The following CNTNAP3 variants were observed in gnomAD, a reference collection of about 807,000 sequenced individuals.
CNTNAP3 encodes contactin associated protein family member 3, also known as contactin-associated protein-like 3.
CNTNAP3 carries 36 observed loss-of-function variants against 92.1 expected under a neutral mutation model. The observed-to-expected ratio is 0.39, with a 90% CI of 0.30 to 0.52. CNTNAP3 has a LOEUF of 0.52. Among genes scored for constraint, CNTNAP3 ranks in the 20% least tolerant of loss-of-function variants. The pLI, the probability that CNTNAP3 is intolerant of heterozygous loss-of-function variation, is 0.76. For missense variants in CNTNAP3, 534 were observed against 1,069.6 expected (o/e 0.50, Z 6.98); for synonymous variants, 232 against 422.3 (o/e 0.55, Z 5.53).
At position 39,068,732 on chromosome 9, in the gene CNTNAP3, G is replaced by C. The variant is rs1192426502; in HGVS notation, c.*5158C>G. Among the ~76,000 whole-genome samples the C allele has an allele frequency of 6.6e-6, 1 of 152,312 alleles. No homozygotes were observed. Among genetic ancestry groups the C allele is most frequent in the East Asian group, 1.9e-4 (1 of 5,208 alleles). On this transcript the variant is annotated 3_prime_UTR_variant, in exon 24 of 24. Transcript: ENST00000297668. ...CTCAGCAACAGCTACTCCATTCAGA[G>C]ACTTGCTAGGCTTCCTTAAGCTATC...
At chr9:39,144,117 G>C in intron 11 of CNTNAP3, 123 bp downstream of exon 11, 1 of 1,411,118 alleles carries the variant, frequency 7.1e-7, no homozygotes. Context: ...TAGAAATTGA[G>C]TGCTGAAATA....
At chr9:39,098,767 T>A (rs574885183) in intron 18 of CNTNAP3, among the ~76,000 whole-genome samples, 23 of 152,242 alleles carry the variant, frequency 1.5e-4, no homozygotes, top group Non-Finnish European at 2.9e-4. Flanking sequence ...CCTCAAAATT[T>A]TTTTGAAAGT....
Position 39,140,457 on chromosome 9 carries a change from C to T in CNTNAP3, c.1876+62G>A, listed in dbSNP as rs1821548168. ...CAAACTGCATGTTTTAATAATGCTG[C>T]CAACTAGGTAAATTTCTCCTTGGTC... is the stretch of plus-strand genomic sequence containing the variant. On this transcript the variant is annotated intron_variant, in intron 12 of 23. Transcript: ENST00000297668. The T allele has an allele frequency of 5.0e-6, 8 of 1,587,682 alleles. No homozygotes were observed. The South Asian group carries it at 6.9e-5, about 14-fold the overall frequency.
intron 23 of CNTNAP3, among the ~76,000 whole-genome samples, chr9:39,074,892 C>G (rs927038432): frequency 1.3e-5 from 2 of 152,286 alleles, no homozygotes; most frequent in Non-Finnish European, 2.9e-5. Flanking sequence ...CCTCAGGCTC[C>G]TGAGTAGCTG....
At position 39,069,021 on chromosome 9, in the gene CNTNAP3, C is replaced by CGT. The variant is rs1825577165; in HGVS notation, c.*4868_*4869insAC. Among the ~76,000 whole-genome samples the CGT allele has an allele frequency of 6.7e-6, 1 of 149,918 alleles. No individual in the cohort carries two copies. The highest frequency in any genetic ancestry group is 2.5e-5 in the African/African-American group (1 of 40,758). ...ATATGTAAGTATAAACACACATACA[C>CGT]ATATATATATGTATGTATATAACAC... On this transcript the variant is annotated 3_prime_UTR_variant, in exon 24 of 24. Coordinates refer to ENST00000297668, the MANE Select transcript of CNTNAP3 (RefSeq NM_033655.5).
intron 9 of CNTNAP3, among the ~76,000 whole-genome samples, chr9:39,152,258 T>G (rs1479858972): frequency 7.8e-6 from 1 of 128,560 alleles, no homozygotes; most frequent in Admixed American, 7.7e-5. Context: ...TCTCTTTAAC[T>G]TTAATATTTT....
In CNTNAP3 at chr9:39,069,354, G is replaced by A. The variant is rs1825586515; in HGVS notation, c.*4536C>T. Reference sequence around the variant, plus strand: ...AAATGTGATATGAGTCATACAAAGTGCTCATGCAGTCACAGAGGTTCTATT... The same window carrying A: ...AAATGTGATATGAGTCATACAAAGTACTCATGCAGTCACAGAGGTTCTATT... On this transcript the variant is annotated 3_prime_UTR_variant, in exon 24 of 24. Coordinates refer to ENST00000297668, the MANE Select transcript of CNTNAP3 (RefSeq NM_033655.5). Among the ~76,000 whole-genome samples the A allele has an allele frequency of 6.6e-6, 1 of 152,298 alleles. No individual in the cohort carries two copies. Among genetic ancestry groups the A allele is most frequent in the African/African-American group, 2.4e-5 (1 of 41,484 alleles).
chr9:39,127,004 C>G (rs1012062340), intron 13 of CNTNAP3, among the ~76,000 whole-genome samples: 2 of 151,770 alleles, frequency 1.3e-5, no homozygotes, highest in African/African-American at 4.8e-5. Flanking sequence ...GACCATATCC[C>G]GGCGAGCCAA....
intron 14 of CNTNAP3, among the ~76,000 whole-genome samples, chr9:39,112,837 C>T (rs1425236713): frequency 6.6e-6 from 1 of 152,122 alleles, no homozygotes; most frequent in Non-Finnish European, 1.5e-5. Flanking sequence ...TGACAGCTAA[C>T]AGAACTAGTT....
chr9:39,071,697 G>A lies in CNTNAP3; in HGVS notation c.*2193C>T, dbSNP rs956609274. Among the ~76,000 whole-genome samples the A allele has an allele frequency of 1.0e-4, 15 of 150,596 alleles. No homozygotes were observed. Among genetic ancestry groups the A allele is most frequent in the Non-Finnish European group, 1.9e-4 (13 of 67,674 alleles). On this transcript the variant is annotated 3_prime_UTR_variant, in exon 24 of 24. Transcript: ENST00000297668. ...GATTTTAGTAAGTTGACTGTTAGAT[G>A]GTTGCTCTTTGGCAGAAGTTTAAAT...
intron 13 of CNTNAP3, among the ~76,000 whole-genome samples, chr9:39,125,458 G>GT (rs1301394526): frequency 1.3e-5 from 2 of 152,096 alleles, no homozygotes; most frequent in Admixed American, 1.3e-4. Flanking sequence ...GGATACATAT[G>GT]TAACAAACCT....
chr9:39,132,833 G>T (rs554122098), intron 13 of CNTNAP3, 99 bp downstream of exon 13: 1 of 1,350,118 alleles, frequency 7.4e-7, no homozygotes, highest in Non-Finnish European at 9.8e-7. Flanking sequence ...TAAGAGCCAC[G>T]GGAGGGACCC....
intron 13 of CNTNAP3, among the ~76,000 whole-genome samples, chr9:39,121,426 A>T (rs1169485040): frequency 6.6e-6 from 1 of 152,166 alleles, no homozygotes; most frequent in Non-Finnish European, 1.5e-5. Context: ...ATATGACGTT[A>T]AGAGTCTGGA....
intron 13 of CNTNAP3, among the ~76,000 whole-genome samples, chr9:39,124,310 T>C (rs1187028833): frequency 6.6e-6 from 1 of 152,164 alleles, no homozygotes; most frequent in African/African-American, 2.4e-5. Flanking sequence ...GAAGTGAGGA[T>C]ATGGAATCAT....
At chr9:39,141,885 GTT>G (rs1049383136) in intron 11 of CNTNAP3, among the ~76,000 whole-genome samples, 9 of 152,132 alleles carry the variant, frequency 5.9e-5, no homozygotes, top group South Asian at 2.1e-4. Context: ...CAATTAATGA[GTT>G]ATATACAATT....
chr9:39,106,621 A>T (rs556955051), intron 15 of CNTNAP3: 1 of 152,224 alleles, frequency 6.6e-6, no homozygotes, highest in Non-Finnish European at 1.5e-5. Context: ...AAAGTAGGAT[A>T]TAAACTGAAG....
At chr9:39,127,135 T>C (rs1821171103) in intron 13 of CNTNAP3, among the ~76,000 whole-genome samples, 1 of 152,040 alleles carries the variant, frequency 6.6e-6, no homozygotes, top group African/African-American at 2.4e-5. Flanking sequence ...CACTTAGAAA[T>C]TTTTAAAAAT....
Position 39,065,487 on chromosome 9 carries a change from T to C in CNTNAP3, c.*8403A>G, listed in dbSNP as rs1825491497. Among the ~76,000 whole-genome samples, 1 of 149,636 alleles carries C rather than the reference T, an allele frequency of 6.7e-6. No homozygotes were observed. Among genetic ancestry groups the C allele is most frequent in the African/African-American group, 2.5e-5 (1 of 40,114 alleles). On this transcript the variant is annotated 3_prime_UTR_variant, in exon 24 of 24. Transcript: ENST00000297668. The stretch of plus-strand genomic sequence containing the variant: ...CATAAGTTTTCATTTCTTTTCAATC[T>C]AGGATTGGAATTGTTGGGTCATAGG...
At chr9:39,104,539 T>C (rs909226599) in intron 15 of CNTNAP3, among the ~76,000 whole-genome samples, 6 of 148,074 alleles carry the variant, frequency 4.1e-5, no homozygotes, top group African/African-American at 7.4e-5. Flanking sequence ...ATTCCTTTCA[T>C]GGCAAGAACA....
Sources: allele counts gnomAD v4.1 joint callset (sites outside exome capture counted in the v4.1 genomes callset), GRCh38; gene constraint gnomAD v4.1.1; transcripts MANE v1.5; gene names NCBI Gene and HGNC (gene_info 2026-07-23, HGNC 2026-07-21).